The following NOTCH4 variants were observed in gnomAD, a reference collection of about 807,000 sequenced individuals.
The protein encoded by NOTCH4 is neurogenic locus notch homolog protein 4.
NOTCH4 carries 138 observed loss-of-function variants against 189.0 expected under a neutral mutation model. That is an observed-to-expected ratio of 0.73 (90% confidence interval 0.64 to 0.84). The LOEUF is 0.84. Ranked by LOEUF, NOTCH4 falls within the 40% of genes least tolerant of loss-of-function variation. The pLI, the probability that NOTCH4 is intolerant of heterozygous loss-of-function variation, is 0.00. For synonymous variants in NOTCH4, 942 were observed against 1,032.8 expected, an observed-to-expected ratio of 0.91 and a Z score of 1.69; for missense variants, 2,286 against 2,605.4, an observed-to-expected ratio of 0.88 and a Z score of 2.67.
chr6:32,200,814 G>A lies in NOTCH4; in HGVS notation c.4315+17C>T, dbSNP rs1265094120. On this transcript the variant is annotated intron_variant, in intron 23 of 29. Transcript: ENST00000375023. This position sits in a 1 kb window ranked among gnomAD's most constrained non-coding sequence, Gnocchi z 5.0. Reference sequence around the variant, plus strand: ...CCTGGGAACAGAGGTCAGAGAAAGTGGCAAGGGGTCACCTACCGGTCCCTG... The same window carrying A: ...CCTGGGAACAGAGGTCAGAGAAAGTAGCAAGGGGTCACCTACCGGTCCCTG... The A allele has an allele frequency of 6.3e-6, 10 of 1,582,642 alleles. No homozygotes were observed. Among genetic ancestry groups the A allele is most frequent in the African/African-American group, 1.3e-5 (1 of 74,074 alleles).
chr6:32,222,692 G>GA lies in NOTCH4; in HGVS notation c.269dup (p.Ser92GlnfsTer21). On this transcript the variant is annotated frameshift_variant, in exon 3 of 30. Transcript: ENST00000375023. LOFTEE classifies it high-confidence loss of function. ...GTGTCAATGGAGAGGGAGAGCTGGG[G>GA]AGCCCTAGGGGAGCGGGAAGCAGGG... 1 of 1,605,198 alleles carries GA rather than the reference G, an allele frequency of 6.2e-7. No individual in the cohort carries two copies. The highest frequency in any genetic ancestry group is 8.5e-7 in the Non-Finnish European group (1 of 1,177,544).
In NOTCH4 at chr6:32,195,950, C is replaced by G; in HGVS notation, c.5499G>C (p.Pro1833=). The change falls in exon 30 of 30, where the codon CCG becomes CCC. Residue 1833 remains proline (P), a synonymous_variant. Coordinates refer to ENST00000375023, the MANE Select transcript of NOTCH4 (RefSeq NM_004557.4). This position sits in a 1 kb window ranked among gnomAD's most constrained non-coding sequence, Gnocchi z 5.4. ...GPPEARHKAT[P]GREAGPFPRA... is the part of the protein sequence containing the mutation. ...GCGGGAAGGGCCCAGCCTCGCGGCC[C>G]GGCGTGGCTTTGTGACGGGCCTCTG... 3 of 1,593,052 alleles carry G rather than the reference C, an allele frequency of 1.9e-6. No individual in the cohort carries two copies. The highest frequency in any genetic ancestry group is 2.5e-6 in the Non-Finnish European group (3 of 1,176,704).
intron 14 of NOTCH4, 28 bp downstream of exon 14, chr6:32,213,660 C>T (rs1203714786): frequency 6.2e-7 from 1 of 1,609,702 alleles, no homozygotes; most frequent in Non-Finnish European, 8.5e-7. Flanking sequence ...CCTGTGGACC[C>T]CAGCCCCATG....
intron 8 of NOTCH4, 111 bp downstream of exon 8, chr6:32,219,480 TG>T: frequency 1.0e-6 from 1 of 961,748 alleles, no homozygotes; most frequent in Non-Finnish European, 1.5e-6. Flanking sequence ...GAAGCATCTG[TG>T]GTAACTTACG....
chr6:32,222,896 A>T, intron 2 of NOTCH4, 90 bp from the exon 3 acceptor site: 1 of 1,543,076 alleles, frequency 6.5e-7, no homozygotes, highest in Non-Finnish European at 8.9e-7. Context: ...GTTTCCCTTC[A>T]TCTCCTTCAC....
In NOTCH4 at chr6:32,218,041, C is replaced by T. The variant is rs61729683; in HGVS notation, c.1578G>A (p.Ala526=). 6,520 of 1,613,954 alleles carry T rather than the reference C, an allele frequency of 4.0e-3. 196 individuals carry two copies. The African/African-American group carries it at 0.074, about 18-fold the overall frequency. The change falls in exon 9 of 30, where the codon GCG becomes GCA. Residue 526 remains alanine, a synonymous_variant. Coordinates refer to ENST00000375023, the MANE Select transcript of NOTCH4 (RefSeq NM_004557.4). ...ECASAPCLNH[A]DCHDLLNGFQ... Reference sequence around the variant, plus strand: ...AGCCGTTGAGCAGGTCATGGCAATCCGCGTGGTTCAGGCAGGGAGCTGAGG... The same window carrying T: ...AGCCGTTGAGCAGGTCATGGCAATCTGCGTGGTTCAGGCAGGGAGCTGAGG...
chr6:32,212,426 A>C lies in NOTCH4; in HGVS notation c.2680+48T>G. The C allele has an allele frequency of 6.5e-7, 1 of 1,541,504 alleles. No individual in the cohort carries two copies. Among genetic ancestry groups the C allele is most frequent in the Non-Finnish European group, 8.8e-7 (1 of 1,140,960 alleles). On this transcript the variant is annotated intron_variant, in intron 17 of 29. Transcript: ENST00000375023. This position sits in a 1 kb window ranked among gnomAD's most constrained non-coding sequence, Gnocchi z 4.4. ...CCACAGGAACGGGGCAGGTGAGAACACCCATATTTTCTTCATTTGCTCTCC... is the reference window on the plus strand; with the variant it reads ...CCACAGGAACGGGGCAGGTGAGAACCCCCATATTTTCTTCATTTGCTCTCC...
At position 32,197,667 on chromosome 6, in the gene NOTCH4, A is replaced by G. The variant is rs2071278; in HGVS notation, c.4757-73T>C. 0.15 allele frequency: 205,092 copies of G among 1,365,258 alleles called. 16,531 individuals are homozygous for G. Among genetic ancestry groups the G allele is most frequent in the East Asian group, 0.19 (7,350 of 39,242 alleles). The allele number at this position is 1,365,258 out of a possible 1,614,324, so 84.6% of individuals were successfully genotyped here. On this transcript the variant is annotated intron_variant, in intron 26 of 29. Coordinates refer to ENST00000375023, the MANE Select transcript of NOTCH4 (RefSeq NM_004557.4). ...GGGAAGGGACAACATGTAAGCTCAG[A>G]GAGAATCAAAACCTGAGGTGTTGGG...
chr6:32,218,752 T>C (rs887316530), intron 8 of NOTCH4, among the ~76,000 whole-genome samples: 2 of 152,196 alleles, frequency 1.3e-5, no homozygotes, highest in African/African-American at 4.8e-5. Flanking sequence ...TATGATTGTC[T>C]GTTGGGTGAC....
At position 32,224,036 on chromosome 6, in the gene NOTCH4, T is replaced by G; in HGVS notation, c.-108A>C. 8.7e-7 allele frequency: 1 copy of G among 1,154,352 alleles called. No homozygotes were observed. Among genetic ancestry groups the G allele is most frequent in the Non-Finnish European group, 1.2e-6 (1 of 838,824 alleles). The allele number at this position is 1,154,352 out of a possible 1,614,324, so 71.5% of individuals were successfully genotyped here. On this transcript the variant is annotated 5_prime_UTR_variant, in exon 1 of 30. Coordinates refer to ENST00000375023, the MANE Select transcript of NOTCH4 (RefSeq NM_004557.4). ...TCCTCTGCTCCCACTGCCCCTCTTC[T>G]TCCTCCTCGGCCTGCTGCAAGCCTC...
Position 32,224,003 on chromosome 6 carries a change from G to C in NOTCH4, c.-75C>G. 1.4e-6 allele frequency: 2 copies of C among 1,441,648 alleles called. No homozygotes were observed. The highest frequency in any genetic ancestry group is 1.9e-6 in the Non-Finnish European group (2 of 1,078,128). The allele number at this position is 1,441,648 out of a possible 1,614,324, so 89.3% of individuals were successfully genotyped here. On this transcript the variant is annotated 5_prime_UTR_variant, in exon 1 of 30. Coordinates refer to ENST00000375023, the MANE Select transcript of NOTCH4 (RefSeq NM_004557.4). ...ACCCTCAGAGCTCTCACTGGGGCAG[G>C]AGCCACCTCCTCTGCTCCCACTGCC...
Position 32,212,407 on chromosome 6 carries a change from G to T in NOTCH4, c.2680+67C>A. 6.8e-7 allele frequency: 1 copy of T among 1,463,622 alleles called. No homozygotes were observed. The allele number at this position is 1,463,622 out of a possible 1,614,324, so 90.7% of individuals were successfully genotyped here. On this transcript the variant is annotated intron_variant, in intron 17 of 29. Transcript: ENST00000375023. This position sits in a 1 kb window ranked among gnomAD's most constrained non-coding sequence, Gnocchi z 4.4. ...CCAAAAGCTGTGTGGAAGCCCACAG[G>T]AACGGGGCAGGTGAGAACACCCATA...
Position 32,221,833 on chromosome 6 carries a change from C to T in NOTCH4, c.452-508G>A, listed in dbSNP as rs555585707. 4.6e-5 allele frequency among the ~76,000 whole-genome samples: 7 copies of T among 152,192 alleles called. No homozygotes were observed. Among genetic ancestry groups the T allele is most frequent in the Non-Finnish European group, 8.8e-5 (6 of 68,036 alleles). On this transcript the variant is annotated intron_variant, in intron 3 of 29. Coordinates refer to ENST00000375023, the MANE Select transcript of NOTCH4 (RefSeq NM_004557.4). This position sits in a 1 kb window ranked among gnomAD's most constrained non-coding sequence, Gnocchi z 4.3. Reference sequence around the variant, plus strand: ...AGCTGAGCAAGCATCTCCTGAGCATCGGCCCCTTCTGTCCTCTCAGCAACC... The same window carrying T: ...AGCTGAGCAAGCATCTCCTGAGCATTGGCCCCTTCTGTCCTCTCAGCAACC...
rs771104755 is a variant in NOTCH4 at position 32,220,170 on chromosome 6, G to A, written c.1274C>T (p.Ser425Leu). The change falls in exon 7 of 30, where the codon TCG (serine) becomes TTG (leucine). Residue 425 changes from serine to leucine, a missense_variant. Physicochemically the swap from Ser to Leu is moderately radical, Grantham distance 145. This residue lies in a region of NOTCH4 where 1,903 missense variants were observed against 2,261.9 expected (regional missense o/e 0.84). Coordinates refer to ENST00000375023, the MANE Select transcript of NOTCH4 (RefSeq NM_004557.4). Reference protein sequence around the residue: ...STLCLCQPGYSGPTCHQDLDE... With the variant: ...STLCLCQPGYLGPTCHQDLDE... ...CAGGTCCTGGTGGCAGGTGGGCCCC[G>A]AATAGCCAGGCTGACACAGGCAGAG... 5.6e-6 allele frequency: 9 copies of A among 1,613,900 alleles called. No homozygotes were observed. Among genetic ancestry groups the A allele is most frequent in the Admixed American group, 3.3e-5 (2 of 59,996 alleles).
In NOTCH4 at chr6:32,215,277, C is replaced by A. The variant is rs1789327990; in HGVS notation, c.1970G>T (p.Gly657Val). 1 of 1,606,200 alleles carries A rather than the reference C, an allele frequency of 6.2e-7. No individual in the cohort carries two copies. The highest frequency in any genetic ancestry group is 8.5e-7 in the Non-Finnish European group (1 of 1,177,498). Reference sequence around the variant, plus strand: ...GCAGTTGTCCTCAGGTGGGGCACAGCCAGGGCTTCCATCAGGACAGAGGCA... The same window carrying A: ...GCAGTTGTCCTCAGGTGGGGCACAGACAGGGCTTCCATCAGGACAGAGGCA... ...ANCLCPDGSP[G>V]CAPPEDNCTC... The change falls in exon 12 of 30, where the codon GGC (glycine) becomes GTC (valine). Residue 657 changes from glycine (G) to valine (V), a missense_variant. By Grantham distance (109) the Gly-to-Val change is moderately radical. Around this residue, in one of 2 missense-constraint regions of NOTCH4, gnomAD observed 1,903 missense variants for 2,261.9 expected, o/e 0.84. Coordinates refer to ENST00000375023, the MANE Select transcript of NOTCH4 (RefSeq NM_004557.4).
In NOTCH4 at chr6:32,198,338, A is replaced by G; in HGVS notation, c.4756+83T>C. 2 of 1,388,102 alleles carry G rather than the reference A, an allele frequency of 1.4e-6. No individual in the cohort carries two copies. Among genetic ancestry groups the G allele is most frequent in the South Asian group, 2.7e-5 (2 of 73,570 alleles). 86.0% of individuals were successfully genotyped at this position (1,388,102 alleles called of 1,614,324 possible). On this transcript the variant is annotated intron_variant, in intron 26 of 29. Coordinates refer to ENST00000375023, the MANE Select transcript of NOTCH4 (RefSeq NM_004557.4). The surrounding 1 kb of genome is among the most constrained non-coding windows in gnomAD (Gnocchi z 5.5). ...CACTCAGTCTAAAATTATTTCCTCT[A>G]GTTCTGATATTAAAGGACTCTCTGA...
chr6:32,201,981 G>T lies in NOTCH4; in HGVS notation c.3755+95C>A. ...GGGTGGAAACTCCCTGGAGCCCAAG[G>T]CTGTGGCCACACTGTAACTCAGAGC... On this transcript the variant is annotated intron_variant, in intron 21 of 29. Transcript: ENST00000375023. The surrounding 1 kb of genome is among the most constrained non-coding windows in gnomAD (Gnocchi z 5.5). 1 of 1,226,994 alleles carries T rather than the reference G, an allele frequency of 8.2e-7. No homozygotes were observed. Among genetic ancestry groups the T allele is most frequent in the Non-Finnish European group, 1.1e-6 (1 of 933,982 alleles). 76.0% of individuals were successfully genotyped at this position (1,226,994 alleles called of 1,614,324 possible).
intron 18 of NOTCH4, among the ~76,000 whole-genome samples, chr6:32,206,968 G>A (rs1486128677): frequency 6.9e-6 from 1 of 145,660 alleles, no homozygotes; most frequent in African/African-American, 2.5e-5. Context: ...GTCTTGCTCT[G>A]TTGCCAGGCT....
In NOTCH4 at chr6:32,195,530, A is replaced by G. The variant is rs1187635763; in HGVS notation, c.5919T>C (p.Thr1973=). 10 of 1,612,956 alleles carry G rather than the reference A, an allele frequency of 6.2e-6. No individual in the cohort carries two copies. The highest frequency in any genetic ancestry group is 8.5e-6 in the Non-Finnish European group (10 of 1,180,030). ...SNIPIPPPCL[T]PSPERGSPQL... ...GAGGTGATCCCCGCTCCGGGGACGG[A>G]GTAAGGCAAGGAGGCGGGATCGGAA... The change falls in exon 30 of 30, where the codon ACT becomes ACC. Residue 1973 remains threonine, a synonymous_variant. Coordinates refer to ENST00000375023, the MANE Select transcript of NOTCH4 (RefSeq NM_004557.4). The surrounding 1 kb of genome is among the most constrained non-coding windows in gnomAD (Gnocchi z 5.4).
Sources: allele counts gnomAD v4.1 joint callset (sites outside exome capture counted in the v4.1 genomes callset), GRCh38; gene constraint gnomAD v4.1.1; regional missense constraint gnomAD v4.1.1; non-coding constraint Gnocchi (gnomAD v3.1); transcripts MANE v1.5; gene names NCBI Gene and HGNC (gene_info 2026-07-23, HGNC 2026-07-21).